The following CLNK variants were observed in gnomAD, a reference collection of about 807,000 sequenced individuals.
CLNK encodes cytokine-dependent hematopoietic cell linker.
In CLNK, 74 loss-of-function variants were observed where a neutral mutation model predicts 68.6. That is an observed-to-expected ratio of 1.08 (90% CI 0.89 to 1.31). The LOEUF (loss-of-function observed/expected upper bound fraction) is 1.31. Among genes scored for constraint, CLNK ranks in the 50% most tolerant of loss-of-function variants. The pLI, the probability that CLNK is intolerant of heterozygous loss-of-function variation, is 0.00. For missense variants in CLNK, 553 were observed against 515.3 expected, an observed-to-expected ratio of 1.07 and a Z score of -0.71; for synonymous variants, 198 against 172.2, an observed-to-expected ratio of 1.15 and a Z score of -1.17.
intron 1 of CLNK, 61 bp from the exon 2 acceptor site, chr4:10,667,972 A>G: frequency 1.1e-6 from 1 of 934,188 alleles, no homozygotes; most frequent in Non-Finnish European, 1.6e-6. Context: ...ATTCTGGGGA[A>G]CAAGCCACTG....
At chr4:10,636,977 A>T (rs1723116653) in intron 2 of CLNK, among the ~76,000 whole-genome samples, 1 of 152,068 alleles carries the variant, frequency 6.6e-6, no homozygotes, top group South Asian at 2.1e-4. Flanking sequence ...GAGGAGAGAA[A>T]CCCCAGGGGC....
intron 18 of CLNK, among the ~76,000 whole-genome samples, chr4:10,494,820 G>T (rs1037572131): frequency 2.0e-5 from 3 of 152,102 alleles, no homozygotes; most frequent in Admixed American, 6.5e-5. Flanking sequence ...GCCCTGAAGA[G>T]ACTTTTTAAA....
the CLNK span, among the ~76,000 whole-genome samples, chr4:10,711,150 A>C: frequency 1.3e-5 from 2 of 152,174 alleles, no homozygotes; most frequent in African/African-American, 2.4e-5. Context: ...CTCTGTCTCT[A>C]AAGTTATGCG....
chr4:10,680,942 C>T (rs1051558220), intron 1 of CLNK, among the ~76,000 whole-genome samples: 4 of 152,070 alleles, frequency 2.6e-5, no homozygotes, highest in South Asian at 2.1e-4. Flanking sequence ...ACAGATAAAG[C>T]TGATCGGGAG....
chr4:10,716,404 T>C, the CLNK span, among the ~76,000 whole-genome samples: 1 of 152,194 alleles, frequency 6.6e-6, no homozygotes. Context: ...TTTTACCTAC[T>C]TTTTTCCACT....
intron 2 of CLNK, among the ~76,000 whole-genome samples, chr4:10,640,950 G>A (rs1349313857): frequency 6.6e-6 from 1 of 152,226 alleles, no homozygotes; most frequent in African/African-American, 2.4e-5. Flanking sequence ...CACAGTGAAG[G>A]GGGCCTTGTG....
At chr4:10,529,878 T>A (rs979791550) in intron 12 of CLNK, among the ~76,000 whole-genome samples, 3 of 152,238 alleles carry the variant, frequency 2.0e-5, no homozygotes, top group African/African-American at 7.2e-5. Context: ...GTTAGAAAAG[T>A]AGCATGAAAT....
chr4:10,629,839 A>G (rs1318431084), intron 2 of CLNK, among the ~76,000 whole-genome samples: 1 of 152,192 alleles, frequency 6.6e-6, no homozygotes, highest in Non-Finnish European at 1.5e-5. Context: ...ATAAACAGCC[A>G]CAGTCTCTCT....
the CLNK span, among the ~76,000 whole-genome samples, chr4:10,723,165 G>A: frequency 1.3e-5 from 2 of 152,202 alleles, no homozygotes; most frequent in East Asian, 1.9e-4. Context: ...ACATGCAAAT[G>A]AAGAGGATGT....
intron 1 of CLNK, among the ~76,000 whole-genome samples, chr4:10,683,355 C>T (rs1193782127): frequency 6.6e-6 from 1 of 152,164 alleles, no homozygotes; most frequent in Non-Finnish European, 1.5e-5. Context: ...CTTGCCTATA[C>T]AGTCATCTGA....
At chr4:10,663,621 C>A (rs1041600655) in intron 2 of CLNK, among the ~76,000 whole-genome samples, 2 of 152,122 alleles carry the variant, frequency 1.3e-5, no homozygotes, top group Non-Finnish European at 2.9e-5. Context: ...CATATATACC[C>A]ATAGGTTCAC....
chr4:10,654,396 T>A (rs1298343137), intron 2 of CLNK, among the ~76,000 whole-genome samples: 1 of 139,216 alleles, frequency 7.2e-6, no homozygotes, highest in African/African-American at 2.5e-5. Flanking sequence ...TATATATATA[T>A]ATATATAGAA....
chr4:10,494,939 C>A (rs1716748053), intron 18 of CLNK, among the ~76,000 whole-genome samples: 1 of 151,834 alleles, frequency 6.6e-6, no homozygotes, highest in Non-Finnish European at 1.5e-5. Context: ...TGTGTTTATT[C>A]TATATATGAA....
At chr4:10,591,416 C>G in intron 3 of CLNK, among the ~76,000 whole-genome samples, 1 of 152,212 alleles carries the variant, frequency 6.6e-6, no homozygotes, top group Admixed American at 6.5e-5. Context: ...TCTCAGACTG[C>G]CTACCCTGAA....
chr4:10,545,620 G>A (rs886098883), intron 8 of CLNK, among the ~76,000 whole-genome samples: 6 of 152,064 alleles, frequency 3.9e-5, no homozygotes, highest in African/African-American at 1.4e-4. Context: ...TGCTCCTATG[G>A]CTCCATTAGG....
the CLNK span, among the ~76,000 whole-genome samples, chr4:10,719,180 A>T: frequency 6.6e-6 from 1 of 152,106 alleles, no homozygotes; most frequent in Admixed American, 6.5e-5. Flanking sequence ...TAAAATAGCA[A>T]TCTTAAGCCC....
intron 17 of CLNK, among the ~76,000 whole-genome samples, chr4:10,506,383 G>A (rs1043347893): frequency 9.9e-5 from 15 of 152,280 alleles, no homozygotes; most frequent in African/African-American, 3.6e-4. Flanking sequence ...GCCCCTGGCA[G>A]CCTGGGTTTA....
chr4:10,676,982 T>G (rs1372939057), intron 1 of CLNK, among the ~76,000 whole-genome samples: 1 of 149,490 alleles, frequency 6.7e-6, no homozygotes, highest in African/African-American at 2.4e-5. Context: ...TCGCCCCTAT[T>G]TTTTTTTTTT....
chr4:10,529,493 C>A (rs1307599192), intron 12 of CLNK, among the ~76,000 whole-genome samples: 3 of 152,190 alleles, frequency 2.0e-5, no homozygotes, highest in Admixed American at 6.5e-5. Flanking sequence ...CATTGTATGC[C>A]TCCCTCTGAA....
Sources: allele counts gnomAD v4.1 joint callset (sites outside exome capture counted in the v4.1 genomes callset), GRCh38; gene constraint gnomAD v4.1.1; transcripts MANE v1.5; gene names NCBI Gene and HGNC (gene_info 2026-07-23, HGNC 2026-07-21).